SKIL: variants seen among roughly 807,000 people sequenced by gnomAD.
SKIL encodes the protein ski-like protein.
In SKIL, 20 loss-of-function variants were observed where a neutral mutation model predicts 69.6. That is an observed-to-expected ratio of 0.29 (90% CI 0.20 to 0.42). The LOEUF (loss-of-function observed/expected upper bound fraction) is 0.42. Among genes scored for constraint, SKIL ranks in the 10% least tolerant of loss-of-function variants. The probability of loss-of-function intolerance (pLI) is 1.00; values close to 1 mark genes in which losing one functional copy is unlikely to be tolerated. For missense variants in SKIL, 745 were observed against 783.1 expected (o/e 0.95, Z 0.58); for synonymous variants, 310 against 279.9 (o/e 1.11, Z -1.08).
rs1212681114 is a variant in SKIL at position 170,361,821 on chromosome 3, G to A, written c.1098+392G>A. Among the ~76,000 whole-genome samples, 5 of 150,962 alleles carry A rather than the reference G, an allele frequency of 3.3e-5. No individual in the cohort carries two copies. The South Asian group carries it at 1.0e-3, about 32-fold the overall frequency. On this transcript the variant is annotated intron_variant, in intron 2 of 6. Transcript: ENST00000259119. ...AGGCTGGTCTTGAACTCCTGACCGC[G>A]TGATCCGCCCACCTTGGCCTCCCAA...
intron 2 of SKIL, 94 bp downstream of exon 2, chr3:170,361,523 ATTGC>A (rs1736232024): frequency 3.2e-6 from 3 of 951,514 alleles, no homozygotes; most frequent in South Asian, 3.3e-5. Flanking sequence ...TATGTTGAAC[ATTGC>A]TCATGCAACA....
At chr3:170,388,269 G>T (rs555840058) in intron 4 of SKIL, among the ~76,000 whole-genome samples, 1 of 152,214 alleles carries the variant, frequency 6.6e-6, no homozygotes, top group East Asian at 1.9e-4. Context: ...ATGATATTGA[G>T]TATCTTTTCA....
chr3:170,390,561 A>C, intron 5 of SKIL, 97 bp downstream of exon 5: 2 of 911,070 alleles, frequency 2.2e-6, no homozygotes, highest in Non-Finnish European at 3.4e-6. Context: ...GTCTCAGCTC[A>C]CTGAAACCTC....
Position 170,360,377 on chromosome 3 carries a change from A to G in SKIL, c.46A>G (p.Lys16Glu), listed in dbSNP as rs1340824864. 1.9e-5 allele frequency: 30 copies of G among 1,598,798 alleles called. No individual in the cohort carries two copies. The highest frequency in any genetic ancestry group is 2.7e-5 in the African/African-American group (2 of 74,414). ...TTTCTCCTTGGTTCAGGGCTCAACT[A>G]AAAAACTGAATGGGATGGGAGATGA... ...TNFSLVQGST[K>E]KLNGMGDDGS... The change falls in exon 2 of 7, where the codon AAA becomes GAA. Residue 16 changes from lysine (K) to glutamate (E), a missense_variant. Transcript: ENST00000259119.
chr3:170,363,309 T>C (rs1379713282), intron 2 of SKIL, among the ~76,000 whole-genome samples: 4 of 152,146 alleles, frequency 2.6e-5, no homozygotes, highest in Non-Finnish European at 4.4e-5. Flanking sequence ...GCCTTTAAGG[T>C]TTTGAGGGAA....
At chr3:170,381,477 G>C in intron 3 of SKIL, 136 bp downstream of exon 3, 1 of 577,396 alleles carries the variant, frequency 1.7e-6, no homozygotes, top group Non-Finnish European at 3.2e-6. Flanking sequence ...CTGTTACCCA[G>C]GCTGGAGTGC....
At chr3:170,391,629 C>T (rs907460170) in intron 6 of SKIL, among the ~76,000 whole-genome samples, 3 of 152,116 alleles carry the variant, frequency 2.0e-5, no homozygotes, top group Non-Finnish European at 4.4e-5. Context: ...ACCGTTACTT[C>T]TCTAATAAAG....
At chr3:170,370,442 C>A (rs74818060) in intron 2 of SKIL, among the ~76,000 whole-genome samples, 4 of 1,120 alleles carry the variant, frequency 3.6e-3, no homozygotes, top group Non-Finnish European at 8.1e-3. Flanking sequence ...AGAGAGAGCC[C>A]CCCCCCCCCC....
In SKIL at chr3:170,393,317, T is replaced by G. The variant is rs1738019575; in HGVS notation, c.*900T>G. Reference sequence around the variant, plus strand: ...CTTACTAAAATTTATATAATGGACTTGTTTTCCTTTAAGTTGTAAAATGTT... The same window carrying G: ...CTTACTAAAATTTATATAATGGACTGGTTTTCCTTTAAGTTGTAAAATGTT... On this transcript the variant is annotated 3_prime_UTR_variant, in exon 7 of 7. Coordinates refer to ENST00000259119, the MANE Select transcript of SKIL (RefSeq NM_005414.5). The G allele has an allele frequency of 1.3e-5, 2 of 152,174 alleles. No homozygotes were observed. Among genetic ancestry groups the G allele is most frequent in the African/African-American group, 4.8e-5 (2 of 41,464 alleles). The allele number at this position is 152,174 out of a possible 1,614,324, so 9.4% of individuals were successfully genotyped here. A position where few individuals can be genotyped will look rare whatever the true frequency, so the allele number is the denominator to read the frequency against.
intron 6 of SKIL, 65 bp from the exon 7 acceptor site, chr3:170,392,194 A>G (rs188626964): frequency 6.3e-6 from 8 of 1,264,020 alleles, no homozygotes; most frequent in East Asian, 4.8e-5. Flanking sequence ...GATATTTTCT[A>G]TGATATGAGG....
At chr3:170,375,222 C>T (rs1736975932) in intron 2 of SKIL, among the ~76,000 whole-genome samples, 1 of 152,176 alleles carries the variant, frequency 6.6e-6, no homozygotes, top group South Asian at 2.1e-4. Flanking sequence ...AAGCTCTAGT[C>T]TGACTCTTAC....
At chr3:170,382,675 C>G (rs1422802742) in intron 3 of SKIL, among the ~76,000 whole-genome samples, 1 of 147,576 alleles carries the variant, frequency 6.8e-6, no homozygotes, top group Non-Finnish European at 1.5e-5. Flanking sequence ...CAAAGTGCTG[C>G]TAGGATTACA....
At chr3:170,366,802 A>G (rs1398889622) in intron 2 of SKIL, among the ~76,000 whole-genome samples, 1 of 152,166 alleles carries the variant, frequency 6.6e-6, no homozygotes, top group Non-Finnish European at 1.5e-5. Flanking sequence ...TTTTATTGGA[A>G]TAATCATTAT....
At position 170,360,166 on chromosome 3, in the gene SKIL, C is replaced by T. The variant is rs561804391; in HGVS notation, c.-166C>T. 14 of 622,548 alleles carry T rather than the reference C, an allele frequency of 2.2e-5. No homozygotes were observed. Among genetic ancestry groups the T allele is most frequent in the African/African-American group, 2.0e-4 (11 of 54,112 alleles). The allele number at this position is 622,548 out of a possible 1,614,324, so 38.6% of individuals were successfully genotyped here. Reference sequence around the variant, plus strand: ...AAATTATACCAGATTATAAGGAGAACCAAAACTAAGTCGCAAAATTTATTA... The same window carrying T: ...AAATTATACCAGATTATAAGGAGAATCAAAACTAAGTCGCAAAATTTATTA... On this transcript the variant is annotated 5_prime_UTR_variant, in exon 2 of 7. Transcript: ENST00000259119.
rs1736159069 is a variant in SKIL at position 170,360,325 on chromosome 3, G to A, written c.-7G>A. On this transcript the variant is annotated 5_prime_UTR_variant, in exon 2 of 7. In the 5' UTR this introduces an upstream ATG that the reference lacks. Coordinates refer to ENST00000259119, the MANE Select transcript of SKIL (RefSeq NM_005414.5). ...TCAGACTTAATTATTTAACAGAAGAGTGTACCATGGAAAACCTCCAGACAA... is the reference window on the plus strand; with the variant it reads ...TCAGACTTAATTATTTAACAGAAGAATGTACCATGGAAAACCTCCAGACAA... 1.9e-6 allele frequency: 3 copies of A among 1,543,690 alleles called. No homozygotes were observed. Among genetic ancestry groups the A allele is most frequent in the Non-Finnish European group, 1.7e-6 (2 of 1,150,852 alleles).
intron 2 of SKIL, among the ~76,000 whole-genome samples, chr3:170,366,627 C>T (rs932365365): frequency 2.4e-4 from 37 of 151,972 alleles, no homozygotes; most frequent in African/African-American, 8.7e-4. Context: ...GAGCCGAGTT[C>T]ACACTGCCCT....
rs2108889384 is a variant in SKIL at position 170,359,824 on chromosome 3, C to G, written c.-508C>G. The G allele has an allele frequency of 6.5e-6, 1 of 152,928 alleles. No individual in the cohort carries two copies. The highest frequency in any genetic ancestry group is 2.1e-4 in the South Asian group (1 of 4,872). 9.5% of individuals were successfully genotyped at this position (152,928 alleles called of 1,614,324 possible). On this transcript the variant is annotated 5_prime_UTR_variant, in exon 2 of 7. Transcript: ENST00000259119. ...AGTTTTTCAGCACAGACCAGCAGAC[C>G]ATCATTTTTAGAGGAAATACTCCCT...
Position 170,384,548 on chromosome 3 carries a change from G to C in SKIL, c.1212G>C (p.Met404Ile). 1 of 1,575,596 alleles carries C rather than the reference G, an allele frequency of 6.3e-7. No individual in the cohort carries two copies. Among genetic ancestry groups the C allele is most frequent in the East Asian group, 2.2e-5 (1 of 44,678 alleles). Residue 404 changes from methionine (M) to isoleucine (I), a missense_variant, in exon 4 of 7, where the codon ATG (methionine) becomes ATC (isoleucine). Met to Ile is a conservative substitution (Grantham distance 10, BLOSUM62 1). Coordinates refer to ENST00000259119, the MANE Select transcript of SKIL (RefSeq NM_005414.5). ...SFLHPSYYLYMCDKVVAPNVS... is the reference protein window; with the variant it reads ...SFLHPSYYLYICDKVVAPNVS... ...TTGTTTTCAGCTACTACTTATACAT[G>C]TGTGATAAAGTGGTTGCCCCAAATG...
intron 1 of SKIL, among the ~76,000 whole-genome samples, chr3:170,359,230 A>T (rs1002841949): frequency 1.2e-4 from 19 of 152,368 alleles, no homozygotes; most frequent in Admixed American, 3.9e-4. Flanking sequence ...ATGTTCTTCT[A>T]GTAAACTGGT....
Sources: allele counts gnomAD v4.1 joint callset (sites outside exome capture counted in the v4.1 genomes callset), GRCh38; gene constraint gnomAD v4.1.1; transcripts MANE v1.5; gene names NCBI Gene and HGNC (gene_info 2026-07-23, HGNC 2026-07-21).